The following BCAP29 variants were observed in gnomAD, a reference collection of about 807,000 sequenced individuals.
The protein encoded by BCAP29 is B cell receptor associated protein 29.
In BCAP29, 34 loss-of-function variants were observed where a neutral mutation model predicts 31.8. The observed-to-expected ratio is 1.07, with a 90% confidence interval of 0.81 to 1.42. The LOEUF (loss-of-function observed/expected upper bound fraction) is 1.42. Among genes scored for constraint, BCAP29 ranks in the 40% most tolerant of loss-of-function variants. The pLI, the probability that BCAP29 is intolerant of heterozygous loss-of-function variation, is 0.00. For missense variants in BCAP29, 314 were observed against 269.2 expected (o/e 1.17, Z -1.16); for synonymous variants, 104 against 91.3 (o/e 1.14, Z -0.79).
chr7:107,607,788 C>T (rs1279719074), intron 6 of BCAP29, among the ~76,000 whole-genome samples: 1 of 151,878 alleles, frequency 6.6e-6, no homozygotes, highest in Non-Finnish European at 1.5e-5. Context: ...TACAGGCACA[C>T]ACCACCATGC....
At chr7:107,605,538 T>C (rs1476043838) in intron 6 of BCAP29, among the ~76,000 whole-genome samples, 1 of 152,146 alleles carries the variant, frequency 6.6e-6, no homozygotes. Context: ...TTGATGGACA[T>C]AGAATGGCAG....
intron 5 of BCAP29, chr7:107,600,175 A>G: frequency 3.6e-6 from 2 of 553,858 alleles, no homozygotes; most frequent in Admixed American, 2.8e-5. Flanking sequence ...TCTTATGTTC[A>G]TTTTACAGAT....
intron 6 of BCAP29, among the ~76,000 whole-genome samples, chr7:107,606,184 A>G (rs1396279805): frequency 1.3e-5 from 2 of 152,186 alleles, no homozygotes; most frequent in Non-Finnish European, 2.9e-5. Flanking sequence ...TTGCTAAGTT[A>G]TATGAATTAC....
intron 3 of BCAP29, among the ~76,000 whole-genome samples, chr7:107,592,143 A>G (rs562944498): frequency 3.9e-5 from 6 of 152,172 alleles, no homozygotes; most frequent in Non-Finnish European, 7.3e-5. Flanking sequence ...AAAAAGTATT[A>G]TATGTCAAGA....
intron 3 of BCAP29, among the ~76,000 whole-genome samples, chr7:107,584,598 C>T (rs13234124): frequency 0.17 from 26,008 of 151,980 alleles, 2,799 homozygotes; most frequent in Non-Finnish European, 0.24. Flanking sequence ...GTCCCAGCTA[C>T]TCGGGAGGCT....
At chr7:107,609,897 A>G (rs2129281678) in intron 6 of BCAP29, among the ~76,000 whole-genome samples, 1 of 152,266 alleles carries the variant, frequency 6.6e-6, no homozygotes, top group East Asian at 1.9e-4. Flanking sequence ...CCTCTGGCTC[A>G]GTCCTTACAG....
chr7:107,617,953 A>G (rs1585262581), intron 7 of BCAP29, among the ~76,000 whole-genome samples: 1 of 152,188 alleles, frequency 6.6e-6, no homozygotes, highest in South Asian at 2.1e-4. Flanking sequence ...TCTGTTGGCA[A>G]ATATCTGAAG....
intron 7 of BCAP29, among the ~76,000 whole-genome samples, chr7:107,614,149 T>C (rs374682375): frequency 1.3e-5 from 2 of 152,214 alleles, no homozygotes; most frequent in Non-Finnish European, 2.9e-5. Context: ...TGGTTGGGCT[T>C]GTCTTCAAAA....
At chr7:107,609,567 G>A (rs1006007756) in intron 6 of BCAP29, among the ~76,000 whole-genome samples, 1 of 152,134 alleles carries the variant, frequency 6.6e-6, no homozygotes, top group Non-Finnish European at 1.5e-5. Flanking sequence ...GGTGTTGATT[G>A]AAGTGATGAA....
intron 1 of BCAP29, 109 bp downstream of exon 1, chr7:107,580,410 G>A: frequency 4.2e-6 from 1 of 240,644 alleles, no homozygotes; most frequent in Non-Finnish European, 8.0e-6. Flanking sequence ...ACCCGGCCCG[G>A]CCCGGTCCGC....
intron 6 of BCAP29, among the ~76,000 whole-genome samples, chr7:107,604,814 GA>G (rs1026480508): frequency 4.9e-5 from 7 of 143,418 alleles, no homozygotes; most frequent in African/African-American, 1.5e-4. Flanking sequence ...TGTATCAACT[GA>G]AAAAAAAAAC....
At position 107,619,203 on chromosome 7, in the gene BCAP29, A is replaced by G. The variant is rs1814687649; in HGVS notation, c.*840A>G. 6.6e-6 allele frequency: 1 copy of G among 152,576 alleles called. No individual in the cohort carries two copies. Among genetic ancestry groups the G allele is most frequent in the South Asian group, 2.1e-4 (1 of 4,836 alleles). The allele number at this position is 152,576 out of a possible 1,614,324, so 9.5% of individuals were successfully genotyped here. On this transcript the variant is annotated 3_prime_UTR_variant, in exon 8 of 8. Coordinates refer to ENST00000005259, the MANE Select transcript of BCAP29 (RefSeq NM_018844.4). ...AGTATTTCTTTCCCTTGGTTGTGAG[A>G]GTAACTAATTATATAAATATTACCT... is the stretch of plus-strand genomic sequence containing the variant.
intron 6 of BCAP29, among the ~76,000 whole-genome samples, chr7:107,612,437 A>ATATATATATATATATT (rs771741951): frequency 7.1e-5 from 8 of 113,228 alleles, no homozygotes; most frequent in East Asian, 2.6e-4. Context: ...ATATATATAT[A>ATATATATATATATATT]TATTTATTTT....
intron 4 of BCAP29, among the ~76,000 whole-genome samples, chr7:107,594,748 C>T (rs998640237): frequency 4.6e-5 from 7 of 152,116 alleles, no homozygotes; most frequent in African/African-American, 9.7e-5. Flanking sequence ...ATGATCCTCC[C>T]GCCTCGGCCT....
At chr7:107,598,412 C>T (rs1020707431) in intron 5 of BCAP29, among the ~76,000 whole-genome samples, 5 of 151,988 alleles carry the variant, frequency 3.3e-5, no homozygotes, top group African/African-American at 1.2e-4. Flanking sequence ...AAAAACAGTC[C>T]TTGGGATTAT....
At chr7:107,609,944 G>A (rs6960817) in intron 6 of BCAP29, among the ~76,000 whole-genome samples, 3,442 of 152,288 alleles carry the variant, frequency 0.023, 130 homozygotes, top group African/African-American at 0.078. Context: ...TGTCATGCCA[G>A]TGCCTCTAAA....
At position 107,618,910 on chromosome 7, in the gene BCAP29, G is replaced by GGT. The variant is rs1480912515; in HGVS notation, c.*548_*549dup. On this transcript the variant is annotated 3_prime_UTR_variant, in exon 8 of 8. Transcript: ENST00000005259. Reference sequence around the variant, plus strand: ...TTTTTTTTAAGCCTGATGATACTATGGTTTACTCTAATAAGATAGCTATAT... The same window carrying GGT: ...TTTTTTTTAAGCCTGATGATACTATGGTGTTTACTCTAATAAGATAGCTATAT... The GGT allele has an allele frequency of 1.6e-5, 3 of 183,818 alleles. No homozygotes were observed. The East Asian group carries it at 4.1e-4, about 25-fold the overall frequency. The allele number at this position is 183,818 out of a possible 1,614,324, so 11.4% of individuals were successfully genotyped here. A position where few individuals can be genotyped will look rare whatever the true frequency, so the allele number is the denominator to read the frequency against.
Position 107,594,386 on chromosome 7 carries a change from C to T in BCAP29, c.344+281C>T, listed in dbSNP as rs370951648. On this transcript the variant is annotated intron_variant, in intron 4 of 7. Transcript: ENST00000005259. ...AATTTTTTGTAGAGATGGGGTCTCA[C>T]TGTGTTGCCCAGACTGGTCTCAAAC... 5.8e-4 allele frequency among the ~76,000 whole-genome samples: 89 copies of T among 152,206 alleles called. No homozygotes were observed. In the East Asian group the frequency reaches 8.7e-3, roughly 15 times the overall value.
At chr7:107,596,959 C>T (rs1375910209) in intron 5 of BCAP29, among the ~76,000 whole-genome samples, 6 of 152,088 alleles carry the variant, frequency 3.9e-5, no homozygotes, top group African/African-American at 1.4e-4. Flanking sequence ...CCTTTGTTTC[C>T]ATACTGTCCT....
Sources: allele counts gnomAD v4.1 joint callset (sites outside exome capture counted in the v4.1 genomes callset), GRCh38; gene constraint gnomAD v4.1.1; transcripts MANE v1.5; gene names NCBI Gene and HGNC (gene_info 2026-07-23, HGNC 2026-07-21).